The following PARP6 variants were observed in gnomAD, a reference collection of about 807,000 sequenced individuals.
PARP6 encodes the protein poly(ADP-ribose) polymerase family member 6, also known as protein mono-ADP-ribosyltransferase PARP6.
In PARP6, 27 loss-of-function variants were observed where a neutral mutation model predicts 92.0. The ratio of observed to expected loss-of-function variants is 0.29; its 90% CI spans 0.22 to 0.40. The LOEUF (loss-of-function observed/expected upper bound fraction) is 0.40. Among genes scored for constraint, PARP6 ranks in the 10% least tolerant of loss-of-function variants. The pLI, the probability that PARP6 is intolerant of heterozygous loss-of-function variation, is 1.00. For missense variants in PARP6, 501 were observed against 784.5 expected (o/e 0.64, Z 4.32); for synonymous variants, 272 against 281.2 (o/e 0.97, Z 0.33).
At position 72,250,880 on chromosome 15, in the gene PARP6, G is replaced by A. The variant is rs200268561; in HGVS notation, c.1383C>T (p.Thr461=). Residue 461 remains threonine (T), a synonymous_variant, in exon 18 of 24, where the codon ACC becomes ACT. Coordinates refer to ENST00000569795, the MANE Select transcript of PARP6 (RefSeq NM_001323532.2). ...SPPAKEARFR[T]AKKLYGSTFA... ...AGGTGCTGCCATAGAGCTTCTTGGC[G>A]GTCCGGAACCGAGCCTCCTTGGCAG... is the stretch of plus-strand genomic sequence containing the variant. 4.0e-5 allele frequency: 65 copies of A among 1,613,212 alleles called. No homozygotes were observed. In the East Asian group the frequency reaches 4.9e-4, roughly 12 times the overall value.
At chr15:72,252,746 A>G (rs1365321376) in intron 16 of PARP6, among the ~76,000 whole-genome samples, 3 of 152,158 alleles carry the variant, frequency 2.0e-5, no homozygotes, top group African/African-American at 7.2e-5. Context: ...CGGCCTCCCA[A>G]AGTATTGGGA....
Position 72,242,745 on chromosome 15 carries a change from A to C in PARP6, c.1562-46T>G. On this transcript the variant is annotated intron_variant, in intron 20 of 23. Coordinates refer to ENST00000569795, the MANE Select transcript of PARP6 (RefSeq NM_001323532.2). This position sits in a 1 kb window ranked among gnomAD's most constrained non-coding sequence, Gnocchi z 4.3. ...CACTTCATTTATCAAAAATTTACGA[A>C]AGTGCCTACTATGTCCCAGCACTGA... 8.0e-7 allele frequency: 1 copy of C among 1,250,496 alleles called. No homozygotes were observed. The highest frequency in any genetic ancestry group is 1.2e-6 in the Non-Finnish European group (1 of 868,722). 77.5% of individuals were successfully genotyped at this position (1,250,496 alleles called of 1,614,324 possible).
At chr15:72,257,933 C>T in intron 12 of PARP6, 104 bp downstream of exon 12, 1 of 820,284 alleles carries the variant, frequency 1.2e-6, no homozygotes, top group Non-Finnish European at 2.1e-6. Context: ...TCAGGGTGTA[C>T]AGACAGAATT....
chr15:72,266,445 T>C (rs1044674774), intron 4 of PARP6, among the ~76,000 whole-genome samples: 3 of 152,170 alleles, frequency 2.0e-5, no homozygotes, highest in Admixed American at 1.3e-4. Context: ...TTTTAAGATG[T>C]GACCCTAATG....
At chr15:72,264,504 T>C (rs776874235) in intron 8 of PARP6, 51 bp downstream of exon 8, 4 of 1,369,068 alleles carry the variant, frequency 2.9e-6, no homozygotes, top group Non-Finnish European at 4.2e-6. Context: ...TATTTCCACC[T>C]CTCTCTCCTT....
At chr15:72,243,728 C>G (rs2083310333) in intron 20 of PARP6, 1 of 152,218 alleles carries the variant, frequency 6.6e-6, no homozygotes. Context: ...AATCTTACCA[C>G]AGTTAGGGAT....
At chr15:72,250,207 C>A in intron 18 of PARP6, 115 bp from the exon 19 acceptor site, 1 of 710,600 alleles carries the variant, frequency 1.4e-6, no homozygotes, top group Non-Finnish European at 2.6e-6. Context: ...TGGACAGGTA[C>A]ACCTAGTGAT....
At chr15:72,258,687 G>A (rs1244092828) in intron 11 of PARP6, among the ~76,000 whole-genome samples, 1 of 152,192 alleles carries the variant, frequency 6.6e-6, no homozygotes, top group African/African-American at 2.4e-5. Flanking sequence ...AGGAAGATAG[G>A]AAAATCCAGA....
intron 20 of PARP6, among the ~76,000 whole-genome samples, chr15:72,247,166 A>AT (rs1406316927): frequency 1.3e-5 from 2 of 152,050 alleles, no homozygotes; most frequent in African/African-American, 4.8e-5. Flanking sequence ...TCTGAAGAAT[A>AT]TAAGTTTTAA....
intron 14 of PARP6, among the ~76,000 whole-genome samples, chr15:72,255,223 A>G (rs1170426600): frequency 6.6e-6 from 1 of 152,096 alleles, no homozygotes; most frequent in Non-Finnish European, 1.5e-5. Flanking sequence ...TCAGGCTTTC[A>G]GACTAGAACT....
Position 72,260,644 on chromosome 15 carries a change from T to G in PARP6, c.590A>C (p.Lys197Thr), listed in dbSNP as rs1211325519. The change falls in exon 10 of 24, where the codon AAA becomes ACA. Residue 197 changes from lysine (K) to threonine (T), a missense_variant. Lys to Thr is a moderately conservative substitution (Grantham distance 78, BLOSUM62 -1). Around this residue, in one of 4 missense-constraint regions of PARP6, gnomAD observed 291 missense variants for 352.0 expected, o/e 0.83. Coordinates refer to ENST00000569795, the MANE Select transcript of PARP6 (RefSeq NM_001323532.2). Reference protein sequence around the residue: ...PIIQDSMLKGKLGVPELRVGR... With the variant: ...PIIQDSMLKGTLGVPELRVGR... Reference sequence around the variant, plus strand: ...AACCCGAAGCTCTGGTACACCTAGTTTGCCTTTCAGCATGGAGTCCTGTAT... The same window carrying G: ...AACCCGAAGCTCTGGTACACCTAGTGTGCCTTTCAGCATGGAGTCCTGTAT... The G allele has an allele frequency of 6.2e-6, 10 of 1,614,160 alleles. No homozygotes were observed. Among genetic ancestry groups the G allele is most frequent in the Non-Finnish European group, 8.5e-6 (10 of 1,180,016 alleles).
At chr15:72,267,329 G>C (rs2086733011) in intron 3 of PARP6, 146 bp downstream of exon 3, 1 of 818,840 alleles carries the variant, frequency 1.2e-6, no homozygotes, top group African/African-American at 1.7e-5. Flanking sequence ...TACTGTTTCT[G>C]TGCCCCTTCC....
rs2085592902 is a variant in PARP6, at chr15:72,259,670, A to G, written c.757-9T>C. 6.2e-7 allele frequency: 1 copy of G among 1,613,746 alleles called. No homozygotes were observed. The highest frequency in any genetic ancestry group is 2.2e-5 in the East Asian group (1 of 44,870). On this transcript the variant is annotated splice_polypyrimidine_tract_variant and intron_variant, in intron 10 of 23. Transcript: ENST00000569795. ...TTGCAGTGACCACTGACCTGGTGAG[A>G]GTAAAAAGACAGACCCCGTGAACCT... is the stretch of plus-strand genomic sequence containing the variant.
At chr15:72,254,272 A>C (rs954451886) in intron 15 of PARP6, among the ~76,000 whole-genome samples, 183 bp downstream of exon 15, 1 of 152,198 alleles carries the variant, frequency 6.6e-6, no homozygotes, top group Non-Finnish European at 1.5e-5. Flanking sequence ...AAAGAGAATA[A>C]AGAGGAGTAA....
intron 20 of PARP6, chr15:72,243,655 C>A (rs747743637): frequency 2.0e-5 from 3 of 152,182 alleles, no homozygotes; most frequent in Non-Finnish European, 4.4e-5. Context: ...TGCTCCCACT[C>A]CTCACTCTTT....
At position 72,254,409 on chromosome 15, in the gene PARP6, T is replaced by G. The variant is rs777405286; in HGVS notation, c.1191+46A>C. ...CAAATTACCAACAGAATAGGACACTTGAACTGGGCAGGCAAAGGAGAGGGG... is the reference window on the plus strand; with the variant it reads ...CAAATTACCAACAGAATAGGACACTGGAACTGGGCAGGCAAAGGAGAGGGG... On this transcript the variant is annotated intron_variant, in intron 15 of 23. Coordinates refer to ENST00000569795, the MANE Select transcript of PARP6 (RefSeq NM_001323532.2). The G allele has an allele frequency of 5.9e-6, 8 of 1,353,178 alleles. No homozygotes were observed. The African/African-American group carries it at 1.1e-4, about 19-fold the overall frequency. 83.8% of individuals were successfully genotyped at this position (1,353,178 alleles called of 1,614,324 possible).
chr15:72,269,535 G>A (rs940247538), intron 2 of PARP6, among the ~76,000 whole-genome samples: 1 of 152,132 alleles, frequency 6.6e-6, no homozygotes, highest in Admixed American at 6.5e-5. Context: ...TGGACCTACA[G>A]CATCAGTATC....
chr15:72,268,046 C>A (rs986983196), intron 2 of PARP6, among the ~76,000 whole-genome samples: 4 of 152,234 alleles, frequency 2.6e-5, no homozygotes, highest in African/African-American at 9.6e-5. Context: ...GCCATTGCAC[C>A]TGGCTATTAA....
chr15:72,242,567 A>C lies in PARP6; in HGVS notation c.1641+53T>G. 8.4e-7 allele frequency: 1 copy of C among 1,193,556 alleles called. No individual in the cohort carries two copies. Among genetic ancestry groups the C allele is most frequent in the South Asian group, 1.2e-5 (1 of 82,772 alleles). The allele number at this position is 1,193,556 out of a possible 1,614,324, so 73.9% of individuals were successfully genotyped here. A position where few individuals can be genotyped will look rare whatever the true frequency, so the allele number is the denominator to read the frequency against. ...CCACTGTTTCCCTGTCCAGCTCTGG[A>C]GCCTAAATTAGCCCCAGGGAAAGGT... is the stretch of plus-strand genomic sequence containing the variant. On this transcript the variant is annotated intron_variant, in intron 21 of 23. Coordinates refer to ENST00000569795, the MANE Select transcript of PARP6 (RefSeq NM_001323532.2). The surrounding 1 kb of genome is among the most constrained non-coding windows in gnomAD (Gnocchi z 4.3).
Sources: allele counts gnomAD v4.1 joint callset (sites outside exome capture counted in the v4.1 genomes callset), GRCh38; gene constraint gnomAD v4.1.1; regional missense constraint gnomAD v4.1.1; non-coding constraint Gnocchi (gnomAD v3.1); transcripts MANE v1.5; gene names NCBI Gene and HGNC (gene_info 2026-07-23, HGNC 2026-07-21).